Variants in CUBN observed in about 807,000 individuals in gnomAD.
CUBN encodes the protein 460 kDa receptor.
In CUBN, 282 loss-of-function variants were observed where a neutral mutation model predicts 405.3. The observed-to-expected ratio is 0.70, with a 90% confidence interval of 0.63 to 0.77. The LOEUF (loss-of-function observed/expected upper bound fraction) is 0.77, where lower values mean the gene tolerates loss of function less well. Among genes scored for constraint, CUBN ranks in the 30% least tolerant of loss-of-function variants. The pLI is 0.00. For synonymous variants in CUBN, 1,684 were observed against 1,617.0 expected (o/e 1.04, Z -0.99); for missense variants, 4,514 against 4,475.2 (o/e 1.01, Z -0.25).
chr10:17,093,165 T>C (rs2356825), intron 14 of CUBN, among the ~76,000 whole-genome samples: 81,936 of 151,960 alleles, frequency 0.54, 22,738 homozygotes, highest in East Asian at 0.67. Context: ...TGGAGCTGCA[T>C]ACTATAAGGA....
intron 39 of CUBN, among the ~76,000 whole-genome samples, chr10:16,937,145 CA>C (rs1842532406): frequency 1.3e-5 from 2 of 152,122 alleles, no homozygotes; most frequent in African/African-American, 4.8e-5. Flanking sequence ...TACTTTGAAA[CA>C]TGGAAATTTA....
At chr10:16,966,045 G>T in intron 31 of CUBN, 1 of 468,132 alleles carries the variant, frequency 2.1e-6, no homozygotes. Context: ...ATTCTGTGAA[G>T]CTAAGTGAGA....
At chr10:16,960,489 C>T (rs1040745920) in intron 31 of CUBN, among the ~76,000 whole-genome samples, 1 of 152,110 alleles carries the variant, frequency 6.6e-6, no homozygotes, top group Non-Finnish European at 1.5e-5. Flanking sequence ...AAGACTCCAT[C>T]TCAAAACAAA....
chr10:17,069,585 C>T (rs1325444497), intron 19 of CUBN, among the ~76,000 whole-genome samples: 2 of 152,108 alleles, frequency 1.3e-5, no homozygotes, highest in East Asian at 3.8e-4. Flanking sequence ...ACTCTGTTAC[C>T]CAGGCTAGGG....
At chr10:17,117,649 C>T (rs1042518485) in intron 6 of CUBN, among the ~76,000 whole-genome samples, 2 of 152,202 alleles carry the variant, frequency 1.3e-5, no homozygotes, top group African/African-American at 4.8e-5. Context: ...AGGCTGGTCT[C>T]GAACTCTTGA....
intron 41 of CUBN, among the ~76,000 whole-genome samples, chr10:16,927,621 G>A (rs1351213319): frequency 2.0e-5 from 3 of 152,106 alleles, no homozygotes; most frequent in Non-Finnish European, 2.9e-5. Flanking sequence ...GCTGTTACTG[G>A]ACTTCACATG....
rs1015680732 is a variant in CUBN at position 16,964,905 on chromosome 10, G to A, written c.4696-10357C>T. On this transcript the variant is annotated intron_variant, in intron 31 of 66. Transcript: ENST00000377833. The stretch of plus-strand genomic sequence containing the variant: ...CTAGGCTTGTATAGACAACTGTATC[G>A]TAGACATCATCTCTTCCATGTTCCA... Among the ~76,000 whole-genome samples, 12 of 152,154 alleles carry A rather than the reference G, an allele frequency of 7.9e-5. No homozygotes were observed. The South Asian group carries it at 8.3e-4, about 11-fold the overall frequency.
intron 45 of CUBN, among the ~76,000 whole-genome samples, chr10:16,917,973 A>G (rs1225827410): frequency 4.6e-5 from 7 of 152,076 alleles, no homozygotes; most frequent in African/African-American, 1.7e-4. Flanking sequence ...TTTGTATATG[A>G]TATAAGGAAG....
At chr10:17,038,817 G>A (rs984537576) in intron 27 of CUBN, among the ~76,000 whole-genome samples, 1 of 152,088 alleles carries the variant, frequency 6.6e-6, no homozygotes, top group Non-Finnish European at 1.5e-5. Context: ...TGGCAACAGC[G>A]CCGTTTTTTT....
chr10:16,923,648 C>T (rs1286652690), intron 43 of CUBN, among the ~76,000 whole-genome samples: 2 of 152,102 alleles, frequency 1.3e-5, no homozygotes, highest in East Asian at 3.8e-4. Flanking sequence ...AAAGTAATGG[C>T]CATAACCATA....
chr10:16,918,578 A>G (rs1184943727), intron 45 of CUBN, 44 bp downstream of exon 45: 1 of 1,464,290 alleles, frequency 6.8e-7, no homozygotes, highest in Admixed American at 1.7e-5. Context: ...AAATCTGCAC[A>G]TGTACCCCTG....
At chr10:17,085,882 T>A (rs1836096562) in intron 15 of CUBN, 123 bp from the exon 16 acceptor site, 1 of 896,934 alleles carries the variant, frequency 1.1e-6, no homozygotes, top group Non-Finnish European at 1.7e-6. Flanking sequence ...AGTTTCCCCA[T>A]CACATCCAAA....
intron 31 of CUBN, among the ~76,000 whole-genome samples, chr10:16,962,395 G>C (rs1376508199): frequency 6.6e-6 from 1 of 151,858 alleles, no homozygotes; most frequent in African/African-American, 2.4e-5. Flanking sequence ...CAGAAATATG[G>C]GTAGGTAGGA....
At chr10:16,945,677 A>C (rs1473863219) in intron 36 of CUBN, among the ~76,000 whole-genome samples, 1 of 149,414 alleles carries the variant, frequency 6.7e-6, no homozygotes, top group East Asian at 2.1e-4. Flanking sequence ...CTGAGGCAGG[A>C]GAATAGCTTA....
At chr10:16,864,948 C>CTTT (rs35045969) in intron 59 of CUBN, among the ~76,000 whole-genome samples, 5 of 50,054 alleles carry the variant, frequency 1.0e-4, no homozygotes, top group Non-Finnish European at 1.3e-4. Flanking sequence ...CCATGCCCAG[C>CTTT]TTTTTTTTTT....
intron 28 of CUBN, among the ~76,000 whole-genome samples, chr10:17,018,030 A>T (rs1242903880): frequency 6.6e-6 from 1 of 152,142 alleles, no homozygotes; most frequent in Non-Finnish European, 1.5e-5. Context: ...GTCAACCCTC[A>T]GCTCAGCCCA....
chr10:16,902,355 T>C (rs1430553778), intron 51 of CUBN, among the ~76,000 whole-genome samples: 1 of 146,078 alleles, frequency 6.8e-6, no homozygotes, highest in Non-Finnish European at 1.5e-5. Context: ...TGTGTATGTA[T>C]ATTTTATGTA....
intron 22 of CUBN, among the ~76,000 whole-genome samples, chr10:17,056,353 G>GT (rs1835395551): frequency 6.6e-6 from 1 of 152,170 alleles, no homozygotes; most frequent in African/African-American, 2.4e-5. Context: ...GCTCACGCCT[G>GT]TAATTCCAGC....
intron 31 of CUBN, among the ~76,000 whole-genome samples, chr10:16,959,492 G>A (rs1843159627): frequency 6.6e-6 from 1 of 152,076 alleles, no homozygotes; most frequent in South Asian, 2.1e-4. Context: ...GCCAGATGTA[G>A]TGGCACATGC....
Sources: gnomAD v4.1 joint callset for allele counts (sites outside exome capture counted in the v4.1 genomes callset) on GRCh38, gnomAD v4.1.1 for gene constraint, MANE v1.5 for transcripts, NCBI Gene and HGNC (gene_info 2026-07-23, HGNC 2026-07-21) for gene names.